Variants in ZNF160 observed in about 807,000 individuals in gnomAD.
ZNF160 encodes zinc finger protein 160.
Under a neutral mutation model 13.1 loss-of-function variants are expected in ZNF160, and 9 were observed. The observed-to-expected ratio is 0.69, with a 90% CI of 0.41 to 1.20. The LOEUF is 1.20. Among genes scored for constraint, ZNF160 ranks in the 50% most tolerant of loss-of-function variants. The pLI is 0.01. For missense variants in ZNF160, 838 were observed against 988.0 expected (o/e 0.85, Z 2.04); for synonymous variants, 293 against 333.2 (o/e 0.88, Z 1.31).
intron 3 of ZNF160, among the ~76,000 whole-genome samples, chr19:53,076,353 T>C (rs867919366): frequency 2.0e-5 from 3 of 152,308 alleles, no homozygotes; most frequent in Middle Eastern, 3.4e-3. Flanking sequence ...TAAGAAATGA[T>C]AATGCGGCCG....
intron 3 of ZNF160, chr19:53,075,808 G>A (rs1172521133): frequency 5.8e-6 from 3 of 518,804 alleles, no homozygotes; most frequent in Non-Finnish European, 1.2e-5. Flanking sequence ...CAAGGAGGGG[G>A]TCATCAGAAT....
chr19:53,102,368 ACCAGCTGTCCCCT>A, intron 1 of ZNF160, among the ~76,000 whole-genome samples: 1 of 152,134 alleles, frequency 6.6e-6, no homozygotes, highest in African/African-American at 2.4e-5. Flanking sequence ...TCGCCTTGTC[ACCAGCTGTCCCCT>A]CCAGCTGTCC....
At chr19:53,075,030 T>C in intron 4 of ZNF160, 27 bp downstream of exon 4, 1 of 1,613,842 alleles carries the variant, frequency 6.2e-7, no homozygotes, top group Non-Finnish European at 8.5e-7. Flanking sequence ...GAACAGATCT[T>C]GACTTCTGGA....
intron 3 of ZNF160, among the ~76,000 whole-genome samples, chr19:53,079,831 AT>A (rs1341436558): frequency 6.6e-6 from 1 of 152,068 alleles, no homozygotes; most frequent in Admixed American, 6.6e-5. Flanking sequence ...TGCACCTGTA[AT>A]CACATCACTG....
intron 3 of ZNF160, among the ~76,000 whole-genome samples, chr19:53,080,353 C>T (rs113690644): frequency 0.01 from 1,579 of 152,282 alleles, 20 homozygotes; most frequent in African/African-American, 0.036. Flanking sequence ...CCTGCCTTGG[C>T]CTCCCAAAGT....
chr19:53,093,990 A>C (rs1052975645), intron 1 of ZNF160, among the ~76,000 whole-genome samples: 1 of 152,182 alleles, frequency 6.6e-6, no homozygotes, highest in Non-Finnish European at 1.5e-5. Flanking sequence ...AAAGATAAGG[A>C]AACAAGGCAT....
chr19:53,081,119 A>C (rs760998364), intron 3 of ZNF160, among the ~76,000 whole-genome samples: 3 of 152,222 alleles, frequency 2.0e-5, no homozygotes. Context: ...TAAAAATCTT[A>C]AAAGCAAACC....
Position 53,068,478 on chromosome 19 carries a change from A to C in ZNF160, c.2056T>G (p.Phe686Val), listed in dbSNP as rs1451044330. The change falls in exon 6 of 6, where the codon TTC becomes GTC. Residue 686 changes from phenylalanine (F) to valine (V), a missense_variant. Phe to Val is a conservative substitution (Grantham distance 50). Coordinates refer to ENST00000683776, the MANE Select transcript of ZNF160 (RefSeq NM_001322131.2). Reference sequence around the variant, plus strand: ...TTTGCAAGGTGTGAGTTCTGAGTGAAGACCTTGCCACATTGATTACATTTG... The same window carrying C: ...TTTGCAAGGTGTGAGTTCTGAGTGACGACCTTGCCACATTGATTACATTTG... ...PYKCNQCGKV[F>V]TQNSHLANHQ... 1 of 1,613,624 alleles carries C rather than the reference A, an allele frequency of 6.2e-7. No homozygotes were observed. The highest frequency in any genetic ancestry group is 8.5e-7 in the Non-Finnish European group (1 of 1,179,778).
chr19:53,085,214 GT>G lies in ZNF160; in HGVS notation c.15+1047del. 4 of 985,400 alleles carry G rather than the reference GT, an allele frequency of 4.1e-6. No individual in the cohort carries two copies. The South Asian group carries it at 1.4e-4, about 35-fold the overall frequency. 61.0% of individuals were successfully genotyped at this position (985,400 alleles called of 1,614,324 possible). A position where few individuals can be genotyped will look rare whatever the true frequency, so the allele number is the denominator to read the frequency against. On this transcript the variant is annotated intron_variant, in intron 3 of 5. Transcript: ENST00000683776. Reference sequence around the variant, plus strand: ...CAAGGATGTAGAAAAGTGAGCTCCTGTTTCCTAACACGAAAACATGTCAATG... The same window carrying G: ...CAAGGATGTAGAAAAGTGAGCTCCTGTTCCTAACACGAAAACATGTCAATG...
chr19:53,085,253 A>C (rs1428076010), intron 3 of ZNF160: 2 of 973,028 alleles, frequency 2.1e-6, no homozygotes, highest in African/African-American at 1.8e-5. Flanking sequence ...CAAAACTTGC[A>C]GGTTAACATA....
chr19:53,068,910 A>T lies in ZNF160; in HGVS notation c.1624T>A (p.Cys542Ser). The T allele has an allele frequency of 6.2e-7, 1 of 1,614,054 alleles. No homozygotes were observed. The highest frequency in any genetic ancestry group is 8.5e-7 in the Non-Finnish European group (1 of 1,180,010). Residue 542 changes from cysteine (C) to serine (S), a missense_variant, in exon 6 of 6, where the codon TGT (cysteine) becomes AGT (serine). By Grantham distance (112) the Cys-to-Ser change is moderately radical. This residue lies in a region of ZNF160 where 400 missense variants were observed against 538.9 expected (regional missense o/e 0.74). Transcript: ENST00000683776. Reference sequence around the variant, plus strand: ...GATTTTTGAGTGAAGCTCTTGCCACATTCAATACATTTGTAAGGTTTCTCT... The same window carrying T: ...GATTTTTGAGTGAAGCTCTTGCCACTTTCAATACATTTGTAAGGTTTCTCT... ...SGEKPYKCIE[C>S]GKSFTQKSHL...
intron 2 of ZNF160, 71 bp from the exon 3 acceptor site, chr19:53,086,392 T>A: frequency 1.5e-6 from 2 of 1,358,436 alleles, no homozygotes; most frequent in Admixed American, 2.4e-5. Context: ...GGGCTGAGAA[T>A]CTATACATCC....
In ZNF160 at chr19:53,069,294, T is replaced by C. The variant is rs1425019932; in HGVS notation, c.1240A>G (p.Ile414Val). 3 of 1,614,146 alleles carry C rather than the reference T, an allele frequency of 1.9e-6. No homozygotes were observed. Among genetic ancestry groups the C allele is most frequent in the Admixed American group, 1.7e-5 (1 of 60,030 alleles). The change falls in exon 6 of 6, where the codon ATC (isoleucine) becomes GTC (valine). Residue 414 changes from isoleucine (I) to valine (V), a missense_variant. Coordinates refer to ENST00000683776, the MANE Select transcript of ZNF160 (RefSeq NM_001322131.2). The surrounding 1 kb of genome is among the most constrained non-coding windows in gnomAD (Gnocchi z 4.4). ...KAFSVRSSLA[I>V]HQTIHTGEKP... The stretch of plus-strand genomic sequence containing the variant: ...TCTCCAGTGTGGATTGTCTGATGGA[T>C]TGCTAGGCTTGAACGAACACTAAAG...
rs79194910 is a variant in ZNF160, at chr19:53,095,740, G to A, written c.-353-4020C>T. Reference sequence around the variant, plus strand: ...GTCTGTTTATGCACAATGTTCAGTCGTTTATTCACTCATCTCCCGTGGAAT... The same window carrying A: ...GTCTGTTTATGCACAATGTTCAGTCATTTATTCACTCATCTCCCGTGGAAT... On this transcript the variant is annotated intron_variant, in intron 1 of 5. Transcript: ENST00000683776. 274 of 152,030 alleles carry A rather than the reference G, an allele frequency of 1.8e-3. 1 individual carries two copies. The highest frequency in any genetic ancestry group is 6.8e-3 in the Middle Eastern group (2 of 294). The allele number at this position is 152,030 out of a possible 1,614,324, so 9.4% of individuals were successfully genotyped here.
At chr19:53,079,337 G>C (rs530506613) in intron 3 of ZNF160, among the ~76,000 whole-genome samples, 70 of 152,168 alleles carry the variant, frequency 4.6e-4, no homozygotes, top group South Asian at 1.0e-3. Context: ...GATCACCTGA[G>C]GTCAGGAGTT....
chr19:53,071,702 A>C (rs899081426), intron 5 of ZNF160, among the ~76,000 whole-genome samples: 6 of 152,202 alleles, frequency 3.9e-5, no homozygotes, highest in Admixed American at 3.9e-4. Context: ...CTAGATTCAA[A>C]CTACCTATGA....
At chr19:53,097,879 A>T (rs955226458) in intron 1 of ZNF160, among the ~76,000 whole-genome samples, 1 of 152,022 alleles carries the variant, frequency 6.6e-6, no homozygotes, top group Non-Finnish European at 1.5e-5. Context: ...GATGCTGTGG[A>T]GCAGCTCTGG....
chr19:53,083,879 G>A (rs570989504), intron 3 of ZNF160, among the ~76,000 whole-genome samples: 2 of 152,278 alleles, frequency 1.3e-5, no homozygotes, highest in South Asian at 2.1e-4. Context: ...AACCAAGTAC[G>A]CTCATTTTTC....
In ZNF160 at chr19:53,069,610, A is replaced by G; in HGVS notation, c.924T>C (p.Thr308=). The G allele has an allele frequency of 6.2e-7, 1 of 1,614,186 alleles. No individual in the cohort carries two copies. Among genetic ancestry groups the G allele is most frequent in the African/African-American group, 1.3e-5 (1 of 75,046 alleles). ...CATGACATTTGTAAGGTTTTTCTCC[A>G]GTATGGATGACCTGATGAATAGTTA... The part of the protein sequence containing the change: ...SNLTIHQVIH[T]GEKPYKCHEC... Residue 308 remains threonine (T), a synonymous_variant, in exon 6 of 6, where the codon ACT becomes ACC. Transcript: ENST00000683776. This position sits in a 1 kb window ranked among gnomAD's most constrained non-coding sequence, Gnocchi z 4.4.
Sources: gnomAD v4.1 joint callset for allele counts (sites outside exome capture counted in the v4.1 genomes callset) on GRCh38, gnomAD v4.1.1 for gene constraint, gnomAD v4.1.1 regional missense constraint, Gnocchi (gnomAD v3.1) non-coding constraint, MANE v1.5 for transcripts, NCBI Gene and HGNC (gene_info 2026-07-23, HGNC 2026-07-21) for gene names.